The following ZNF578 variants were observed in gnomAD, a reference collection of about 807,000 sequenced individuals.
ZNF578 encodes the protein Putative chemokine-related protein B42.
A neutral mutation model predicts 8.3 loss-of-function variants in ZNF578; 8 were observed. The ratio of observed to expected loss-of-function variants is 0.96; its 90% CI spans 0.56 to 1.74. The LOEUF (loss-of-function observed/expected upper bound fraction) is 1.74, where lower values mean the gene tolerates loss of function less well. ZNF578 is among the 40% of genes most tolerant of loss of function. The pLI, the probability that ZNF578 is intolerant of heterozygous loss-of-function variation, is 0.00. For missense variants in ZNF578, 726 were observed against 707.5 expected, an observed-to-expected ratio of 1.03 and a Z score of -0.30; for synonymous variants, 206 against 232.2, an observed-to-expected ratio of 0.89 and a Z score of 1.03.
At position 52,470,274 on chromosome 19, in the gene ZNF578, G is replaced by A. The variant is rs573077765; in HGVS notation, c.-122+13316G>A. Among the ~76,000 whole-genome samples the A allele has an allele frequency of 6.8e-4, 104 of 152,260 alleles. 1 individual carries two copies. In the South Asian group the frequency reaches 0.014, roughly 21 times the overall value. ...GGATCCTCCCCCACCACCCTTCTTT[G>A]CCTCTAGACCTGTAACTAGACTCAA... On this transcript the variant is annotated intron_variant, in intron 2 of 5. Coordinates refer to ENST00000421239, the MANE Select transcript of ZNF578 (RefSeq NM_001099694.2).
chr19:52,492,297 T>G (rs1163471097), intron 3 of ZNF578, among the ~76,000 whole-genome samples: 1 of 151,406 alleles, frequency 6.6e-6, no homozygotes, highest in Non-Finnish European at 1.5e-5. Flanking sequence ...GCTTCCTGAG[T>G]AGCTGGGACC....
At position 52,511,757 on chromosome 19, in the gene ZNF578, A is replaced by G. The variant is rs1257071145; in HGVS notation, c.1376A>G (p.Glu459Gly). ...GGAGAGAAATCTTACAAATGTGAAG[A>G]ATGTGACAGAGTTTTCAGTCAGAAA... is the stretch of plus-strand genomic sequence containing the variant. ...HTGEKSYKCE[E>G]CDRVFSQKSN... The change falls in exon 6 of 6, where the codon GAA (glutamate) becomes GGA (glycine). Residue 459 changes from glutamate (E) to glycine (G), a missense_variant. By Grantham distance (98) the Glu-to-Gly change is moderately conservative. Coordinates refer to ENST00000421239, the MANE Select transcript of ZNF578 (RefSeq NM_001099694.2). 1.2e-6 allele frequency: 2 copies of G among 1,612,424 alleles called. No homozygotes were observed. Among genetic ancestry groups the G allele is most frequent in the African/African-American group, 2.7e-5 (2 of 74,612 alleles).
chr19:52,502,241 A>G (rs1184112297), intron 4 of ZNF578, among the ~76,000 whole-genome samples: 3 of 152,184 alleles, frequency 2.0e-5, no homozygotes, highest in East Asian at 3.9e-4. Flanking sequence ...TTCAGGGGCC[A>G]TATCTGGATG....
chr19:52,484,467 G>T (rs2122854595), intron 2 of ZNF578, among the ~76,000 whole-genome samples: 1 of 152,226 alleles, frequency 6.6e-6, no homozygotes, highest in South Asian at 2.1e-4. Flanking sequence ...AATATCACAT[G>T]GGGGAGAAAC....
chr19:52,480,053 G>A (rs2059320671), intron 2 of ZNF578, among the ~76,000 whole-genome samples: 2 of 152,088 alleles, frequency 1.3e-5, no homozygotes, highest in Non-Finnish European at 1.5e-5. Flanking sequence ...GGGACTACAG[G>A]TGCCTGCCAC....
intron 3 of ZNF578, among the ~76,000 whole-genome samples, chr19:52,495,181 T>A (rs1184925234): frequency 7.0e-6 from 1 of 143,596 alleles, no homozygotes; most frequent in Non-Finnish European, 1.6e-5. Flanking sequence ...AGTAGTTTTT[T>A]GAGGTGGAGT....
intron 3 of ZNF578, among the ~76,000 whole-genome samples, chr19:52,500,493 C>G (rs28638217): frequency 0.19 from 28,892 of 149,928 alleles, 2,970 homozygotes; most frequent in Non-Finnish European, 0.23. Flanking sequence ...TGCAACCTCT[C>G]CCTCCTGGGT....
chr19:52,500,288 C>T (rs964646896), intron 3 of ZNF578, among the ~76,000 whole-genome samples: 15 of 151,990 alleles, frequency 9.9e-5, no homozygotes, highest in African/African-American at 3.6e-4. Context: ...GTAAGAAGTA[C>T]GTTGGTTTGG....
chr19:52,480,663 C>T (rs928253605), intron 2 of ZNF578, among the ~76,000 whole-genome samples: 4 of 151,312 alleles, frequency 2.6e-5, no homozygotes, highest in East Asian at 1.9e-4. Flanking sequence ...TTTAAGAGGC[C>T]GAGGCAGGTG....
At chr19:52,485,090 T>A (rs988684220) in intron 2 of ZNF578, among the ~76,000 whole-genome samples, 2 of 151,940 alleles carry the variant, frequency 1.3e-5, no homozygotes, top group African/African-American at 4.8e-5. Flanking sequence ...CCTAAGCAGT[T>A]CCTAGCTTGA....
At chr19:52,498,329 GTTTTTTTTTT>G (rs58765518) in intron 3 of ZNF578, among the ~76,000 whole-genome samples, 1 of 113,738 alleles carries the variant, frequency 8.8e-6, no homozygotes, top group Non-Finnish European at 1.7e-5. Flanking sequence ...GCTAATGTGT[GTTTTTTTTTT>G]TTTTTTTTTT....
In ZNF578 at chr19:52,516,385, G is replaced by A. The variant is rs2059475986; in HGVS notation, c.*4231G>A. Among the ~76,000 whole-genome samples the A allele has an allele frequency of 6.6e-6, 1 of 152,196 alleles. No homozygotes were observed. Among genetic ancestry groups the A allele is most frequent in the South Asian group, 2.1e-4 (1 of 4,834 alleles). On this transcript the variant is annotated 3_prime_UTR_variant, in exon 6 of 6. Coordinates refer to ENST00000421239, the MANE Select transcript of ZNF578 (RefSeq NM_001099694.2). ...CAACTGCTGCAGCATGTGTGTGTGG[G>A]CTTCTCCAGAAGGGGAGCCAGAGTT...
In ZNF578 at chr19:52,514,898, C is replaced by T. The variant is rs539101854; in HGVS notation, c.*2744C>T. ...GGCTGGTCTCAAACTCCTGACCTCG[C>T]GATCCACCCGACTCAGCCTCCCACT... On this transcript the variant is annotated 3_prime_UTR_variant, in exon 6 of 6. Coordinates refer to ENST00000421239, the MANE Select transcript of ZNF578 (RefSeq NM_001099694.2). Among the ~76,000 whole-genome samples the T allele has an allele frequency of 7.3e-5, 11 of 150,426 alleles. No individual in the cohort carries two copies. The highest frequency in any genetic ancestry group is 2.0e-4 in the African/African-American group (8 of 40,918).
Position 52,516,318 on chromosome 19 carries a change from T to C in ZNF578, c.*4164T>C, listed in dbSNP as rs1227349364. 6.6e-6 allele frequency among the ~76,000 whole-genome samples: 1 copy of C among 152,208 alleles called. No individual in the cohort carries two copies. The highest frequency in any genetic ancestry group is 2.4e-5 in the African/African-American group (1 of 41,462). ...CCTCTGCATGGGGTTTCCTCAACTT[T>C]AGGTCTGTGCCCTGAAGGGGAGCTC... On this transcript the variant is annotated 3_prime_UTR_variant, in exon 6 of 6. Coordinates refer to ENST00000421239, the MANE Select transcript of ZNF578 (RefSeq NM_001099694.2).
At chr19:52,506,244 G>A (rs540956067) in intron 5 of ZNF578, among the ~76,000 whole-genome samples, 3 of 152,140 alleles carry the variant, frequency 2.0e-5, no homozygotes, top group East Asian at 3.9e-4. Flanking sequence ...CATTTTATGT[G>A]TATACCACAT....
intron 2 of ZNF578, among the ~76,000 whole-genome samples, chr19:52,480,192 C>T (rs908312477): frequency 3.3e-5 from 5 of 152,170 alleles, no homozygotes; most frequent in African/African-American, 1.2e-4. Context: ...AGGCGTGAGC[C>T]ACCGTGCCCA....
intron 2 of ZNF578, among the ~76,000 whole-genome samples, chr19:52,486,413 A>T (rs543803684): frequency 5.1e-4 from 78 of 152,314 alleles, no homozygotes; most frequent in Non-Finnish European, 8.2e-4. Context: ...TTCTTTCTCT[A>T]TACTTTGTCT....
intron 3 of ZNF578, among the ~76,000 whole-genome samples, chr19:52,500,779 T>C (rs1432098730): frequency 3.3e-5 from 5 of 152,058 alleles, no homozygotes; most frequent in African/African-American, 4.8e-5. Flanking sequence ...GGGAGTCTGG[T>C]TCCCTAAGCA....
At chr19:52,479,978 T>C (rs1343742422) in intron 2 of ZNF578, among the ~76,000 whole-genome samples, 1 of 152,152 alleles carries the variant, frequency 6.6e-6, no homozygotes, top group Non-Finnish European at 1.5e-5. Flanking sequence ...GGCACAATCT[T>C]GGCTCACTGC....
Sources: allele counts gnomAD v4.1 joint callset (sites outside exome capture counted in the v4.1 genomes callset), GRCh38; gene constraint gnomAD v4.1.1; transcripts MANE v1.5; gene names NCBI Gene and HGNC (gene_info 2026-07-23, HGNC 2026-07-21).